RABGAP1: variants seen among roughly 807,000 people sequenced by gnomAD.
RABGAP1 encodes the protein RAB GTPase activating protein 1, also known as rab GTPase-activating protein 1.
In RABGAP1, 23 loss-of-function variants were observed where a neutral mutation model predicts 137.6. That is an observed-to-expected ratio of 0.17 (90% confidence interval 0.12 to 0.24). The LOEUF (loss-of-function observed/expected upper bound fraction) is 0.24, where lower values mean the gene tolerates loss of function less well. RABGAP1 is among the 10% of genes least tolerant of loss of function. RABGAP1 has a pLI of 1.00. For missense variants in RABGAP1, 906 were observed against 1,275.8 expected (o/e 0.71, Z 4.42); for synonymous variants, 451 against 450.7 (o/e 1.00, Z -0.01).
the RABGAP1 span, among the ~76,000 whole-genome samples, chr9:122,932,586 A>G: frequency 1.3e-5 from 2 of 151,348 alleles, no homozygotes; most frequent in South Asian, 4.2e-4. Flanking sequence ...CTGGAGTGCA[A>G]TGGTGTGATC....
rs144184058 is a variant in RABGAP1, at chr9:123,034,973, C to T, written c.1794+14514C>T. On this transcript the variant is annotated intron_variant, in intron 13 of 25. Coordinates refer to ENST00000373647, the MANE Select transcript of RABGAP1 (RefSeq NM_012197.4). ...TACATTGCCATTACTAAACCTTTAA[C>T]CTATAATACTCTGGTTACACCCTGG... 16 of 1,613,742 alleles carry T rather than the reference C, an allele frequency of 9.9e-6. No individual in the cohort carries two copies. The highest frequency in any genetic ancestry group is 8.9e-5 in the East Asian group (4 of 44,898).
chr9:123,081,306 G>A (rs778541906), intron 19 of RABGAP1, among the ~76,000 whole-genome samples: 4 of 152,200 alleles, frequency 2.6e-5, no homozygotes, highest in Non-Finnish European at 4.4e-5. Flanking sequence ...TTTCAGGTGC[G>A]CAGGGCGTCA....
At chr9:123,081,319 G>A (rs1403827375) in intron 19 of RABGAP1, among the ~76,000 whole-genome samples, 1 of 152,210 alleles carries the variant, frequency 6.6e-6, no homozygotes, top group Non-Finnish European at 1.5e-5. Context: ...GGGCGTCAGT[G>A]CCCCTAACTC....
chr9:123,073,416 G>C, intron 15 of RABGAP1, 136 bp from the exon 16 acceptor site: 1 of 1,070,998 alleles, frequency 9.3e-7, no homozygotes, highest in Non-Finnish European at 1.3e-6. Flanking sequence ...CCTTAGGCCT[G>C]AGTTTCTGCA....
intron 4 of RABGAP1, among the ~76,000 whole-genome samples, chr9:122,986,994 A>G (rs1000836397): frequency 6.6e-6 from 1 of 152,014 alleles, no homozygotes; most frequent in Admixed American, 6.6e-5. Context: ...AAAATTAGCC[A>G]CGCATGGTCA....
At chr9:123,035,208 C>G (rs867377554) in intron 13 of RABGAP1, 4 of 1,614,204 alleles carry the variant, frequency 2.5e-6, no homozygotes, top group Middle Eastern at 3.3e-4. Context: ...ATTTCAACAT[C>G]TTCCGCATCT....
At chr9:122,945,209 G>A (rs1833885287) in intron 1 of RABGAP1, 1 of 128,352 alleles carries the variant, frequency 7.8e-6, no homozygotes, top group Non-Finnish European at 1.6e-5. Flanking sequence ...TCACCCCTCT[G>A]TTTTGTGTTG....
At chr9:123,052,824 C>T (rs1372791149) in intron 13 of RABGAP1, among the ~76,000 whole-genome samples, 2 of 152,174 alleles carry the variant, frequency 1.3e-5, no homozygotes, top group Non-Finnish European at 2.9e-5. Context: ...CCTGTAATCC[C>T]AGCTACTTGG....
intron 2 of RABGAP1, among the ~76,000 whole-genome samples, chr9:122,959,122 A>C (rs1436027819): frequency 6.6e-6 from 1 of 152,168 alleles, no homozygotes; most frequent in Non-Finnish European, 1.5e-5. Flanking sequence ...TTTTTAGAGA[A>C]GGTCTTGAGA....
chr9:123,050,931 T>TA (rs976908354), intron 13 of RABGAP1, among the ~76,000 whole-genome samples: 8 of 152,160 alleles, frequency 5.3e-5, no homozygotes, highest in Non-Finnish European at 1.0e-4. Context: ...AAAGTTTCAA[T>TA]AGCAGGGTTT....
rs542200388 is a variant in RABGAP1, at chr9:123,051,580, T to A, written c.1795-13768T>A. On this transcript the variant is annotated intron_variant, in intron 13 of 25. Coordinates refer to ENST00000373647, the MANE Select transcript of RABGAP1 (RefSeq NM_012197.4). ...GTTTTATGTTTAAGAGTGTCATATATTTCTCTGGCTACATGTTACTAGGGC... is the reference window on the plus strand; with the variant it reads ...GTTTTATGTTTAAGAGTGTCATATAATTCTCTGGCTACATGTTACTAGGGC... Among the ~76,000 whole-genome samples the A allele has an allele frequency of 1.6e-4, 25 of 151,770 alleles. 1 individual carries two copies. The highest frequency in any genetic ancestry group is 6.8e-3 in the Middle Eastern group (2 of 294).
chr9:123,071,794 A>G (rs1484534325), intron 15 of RABGAP1, among the ~76,000 whole-genome samples: 1 of 152,194 alleles, frequency 6.6e-6, no homozygotes, highest in Non-Finnish European at 1.5e-5. Flanking sequence ...ATCTATTTGA[A>G]AAGGGAGTAG....
At position 122,957,187 on chromosome 9, in the gene RABGAP1, A is replaced by G; in HGVS notation, c.128A>G (p.Asp43Gly). The change falls in exon 2 of 26, where the codon GAT (aspartate) becomes GGT (glycine). Residue 43 changes from aspartate to glycine, a missense_variant. Physicochemically the swap from Asp to Gly is moderately conservative, Grantham distance 94. This residue lies in a region of RABGAP1 where 331 missense variants were observed against 358.3 expected (regional missense o/e 0.92). Transcript: ENST00000373647. ...DETPSTNNGS[D>G]DEKTGLKIVG... ...ACACCATCTACAAATAATGGAAGTG[A>G]TGATGAGAAAACAGGACTCAAGGTA... 1 of 1,550,646 alleles carries G rather than the reference A, an allele frequency of 6.4e-7. No homozygotes were observed. The highest frequency in any genetic ancestry group is 2.3e-5 in the East Asian group (1 of 44,138).
chr9:123,034,801 G>A (rs1467771179), intron 13 of RABGAP1: 1 of 1,613,672 alleles, frequency 6.2e-7, no homozygotes, highest in East Asian at 2.2e-5. Context: ...CCTTTTTGTT[G>A]GGGTGAGCTG....
chr9:123,049,290 T>TTTGTTGTTGTTG (rs201223630), intron 13 of RABGAP1, among the ~76,000 whole-genome samples: 1 of 152,018 alleles, frequency 6.6e-6, no homozygotes, highest in African/African-American at 2.4e-5. Context: ...TATGGTGTTT[T>TTTGTTGTTGTTG]TTGTTGTTGT....
At chr9:123,094,946 G>A (rs186414175) in intron 21 of RABGAP1, among the ~76,000 whole-genome samples, 1 of 152,210 alleles carries the variant, frequency 6.6e-6, no homozygotes, top group East Asian at 1.9e-4. Flanking sequence ...AAGATATGTA[G>A]AGATGTTTCA....
Position 123,089,856 on chromosome 9 carries a change from T to C in RABGAP1, c.2517+6T>C. On this transcript the variant is annotated splice_donor_region_variant and intron_variant, in intron 20 of 25. Coordinates refer to ENST00000373647, the MANE Select transcript of RABGAP1 (RefSeq NM_012197.4). Reference sequence around the variant, plus strand: ...ACCCCATCGAGCGATTTGAGGTTTGTTTGCTTATGGCCTACGTGTGAGGAG... The same window carrying C: ...ACCCCATCGAGCGATTTGAGGTTTGCTTGCTTATGGCCTACGTGTGAGGAG... 1 of 1,611,530 alleles carries C rather than the reference T, an allele frequency of 6.2e-7. No individual in the cohort carries two copies.
At chr9:122,993,333 G>A (rs1836843898) in intron 6 of RABGAP1, among the ~76,000 whole-genome samples, 1 of 151,994 alleles carries the variant, frequency 6.6e-6, no homozygotes, top group African/African-American at 2.4e-5. Flanking sequence ...GTGCAATGGC[G>A]TGATCTTGGC....
At chr9:122,944,745 T>TA (rs1564347639) in intron 1 of RABGAP1, among the ~76,000 whole-genome samples, 3 of 151,854 alleles carry the variant, frequency 2.0e-5, no homozygotes, top group African/African-American at 7.3e-5. Context: ...TAATTTTTTT[T>TA]TTTTTATTTT....
Sources: allele counts gnomAD v4.1 joint callset (sites outside exome capture counted in the v4.1 genomes callset), GRCh38; gene constraint gnomAD v4.1.1; regional missense constraint gnomAD v4.1.1; transcripts MANE v1.5; gene names NCBI Gene and HGNC (gene_info 2026-07-23, HGNC 2026-07-21).